Variants in CORO2A observed in about 807,000 individuals in gnomAD.
The protein encoded by CORO2A is coronin-2A.
In CORO2A, 47 loss-of-function variants were observed where a neutral mutation model predicts 62.4. The ratio of observed to expected loss-of-function variants is 0.75; its 90% CI spans 0.60 to 0.96. The LOEUF is 0.96. Ranked by LOEUF, CORO2A falls within the 40% of genes least tolerant of loss-of-function variation. CORO2A has a pLI of 0.00. For missense variants in CORO2A, 610 were observed against 684.1 expected (o/e 0.89, Z 1.21); for synonymous variants, 273 against 268.9 (o/e 1.02, Z -0.15).
Position 98,124,651 on chromosome 9 carries a change from T to A in CORO2A, c.*123A>T. 1 of 1,042,346 alleles carries A rather than the reference T, an allele frequency of 9.6e-7. No homozygotes were observed. The highest frequency in any genetic ancestry group is 1.3e-6 in the Non-Finnish European group (1 of 777,964). The allele number at this position is 1,042,346 out of a possible 1,614,324, so 64.6% of individuals were successfully genotyped here. ...TGGAATCTCTTTCAGCGATGGAGAG[T>A]TTTGTTTTCTGGTAAAAAATATAGA... On this transcript the variant is annotated 3_prime_UTR_variant, in exon 12 of 12. Coordinates refer to ENST00000375077, the MANE Select transcript of CORO2A (RefSeq NM_052820.4).
At chr9:98,142,347 C>T (rs1288295205) in intron 2 of CORO2A, among the ~76,000 whole-genome samples, 1 of 152,240 alleles carries the variant, frequency 6.6e-6, no homozygotes, top group African/African-American at 2.4e-5. Context: ...TCTGGTTCCC[C>T]AAGTGTGAGC....
chr9:98,184,941 CT>C (rs1341749695), intron 1 of CORO2A, among the ~76,000 whole-genome samples: 1 of 152,200 alleles, frequency 6.6e-6, no homozygotes, highest in Non-Finnish European at 1.5e-5. Context: ...CATAAAGCGC[CT>C]CCTTACTTTT....
intron 1 of CORO2A, among the ~76,000 whole-genome samples, chr9:98,178,595 C>T (rs1828139237): frequency 6.6e-6 from 1 of 152,162 alleles, no homozygotes; most frequent in African/African-American, 2.4e-5. Context: ...GTCCTCATTA[C>T]CCTTTCTCAG....
chr9:98,173,545 G>A (rs564255745), intron 1 of CORO2A, among the ~76,000 whole-genome samples: 1 of 141,658 alleles, frequency 7.1e-6, no homozygotes, highest in African/African-American at 2.5e-5. Context: ...GCTTTCTTAA[G>A]TCTCTTCTCA....
At chr9:98,143,530 G>A (rs970711459) in intron 2 of CORO2A, among the ~76,000 whole-genome samples, 1 of 152,166 alleles carries the variant, frequency 6.6e-6, no homozygotes, top group Non-Finnish European at 1.5e-5. Flanking sequence ...TTACCATGGT[G>A]CAGCCTTGGG....
rs2118779054 is a variant in CORO2A at position 98,123,829 on chromosome 9, A to G, written c.*945T>C. 6.6e-6 allele frequency: 1 copy of G among 151,404 alleles called. No individual in the cohort carries two copies. Among genetic ancestry groups the G allele is most frequent in the Non-Finnish European group, 1.5e-5 (1 of 67,816 alleles). 9.4% of individuals were successfully genotyped at this position (151,404 alleles called of 1,614,324 possible). A position where few individuals can be genotyped will look rare whatever the true frequency, so the allele number is the denominator to read the frequency against. On this transcript the variant is annotated 3_prime_UTR_variant, in exon 12 of 12. Coordinates refer to ENST00000375077, the MANE Select transcript of CORO2A (RefSeq NM_052820.4). ...CACCACCATGCCTGGTTAATTTTTT[A>G]TTTTTAGTGGAGACGGGGTTTCACC...
At chr9:98,155,830 T>C (rs1051988702) in intron 2 of CORO2A, among the ~76,000 whole-genome samples, 5 of 152,206 alleles carry the variant, frequency 3.3e-5, no homozygotes, top group Admixed American at 6.5e-5. Context: ...AAAGCTCTGC[T>C]GTGATATTGT....
chr9:98,185,269 C>T lies in CORO2A; in HGVS notation c.-1+7290G>A, dbSNP rs761990264. Among the ~76,000 whole-genome samples the T allele has an allele frequency of 6.6e-5, 10 of 152,182 alleles. 1 individual carries two copies. The highest frequency in any genetic ancestry group is 5.2e-4 in the Admixed American group (8 of 15,282). ...GCCCCTGCCAGGCCATGGGCCCTCACGGCTGTGATGGGTCTAGCTTGTCTG... is the reference window on the plus strand; with the variant it reads ...GCCCCTGCCAGGCCATGGGCCCTCATGGCTGTGATGGGTCTAGCTTGTCTG... On this transcript the variant is annotated intron_variant, in intron 1 of 11. Coordinates refer to ENST00000375077, the MANE Select transcript of CORO2A (RefSeq NM_052820.4).
intron 1 of CORO2A, among the ~76,000 whole-genome samples, chr9:98,180,409 G>C (rs1211498490): frequency 2.0e-5 from 3 of 151,934 alleles, no homozygotes; most frequent in Non-Finnish European, 2.9e-5. Context: ...GCAGGCCATG[G>C]CTCCCCTCAC....
intron 1 of CORO2A, among the ~76,000 whole-genome samples, chr9:98,163,786 G>A (rs1429203460): frequency 6.6e-6 from 1 of 151,628 alleles, no homozygotes; most frequent in Non-Finnish European, 1.5e-5. Context: ...AAGAGACAGA[G>A]AGAGTTTCCT....
In CORO2A at chr9:98,146,491, C is replaced by G. The variant is rs548602952; in HGVS notation, c.202-8803G>C. On this transcript the variant is annotated intron_variant, in intron 2 of 11. Transcript: ENST00000375077. ...AGCCCGGCCCCTCTGAGAAGGACTT[C>G]CTGCACGCTGTGGCAAGGCCAGACA... Among the ~76,000 whole-genome samples, 6 of 152,348 alleles carry G rather than the reference C, an allele frequency of 3.9e-5. No individual in the cohort carries two copies. In the South Asian group the frequency reaches 1.0e-3, roughly 26 times the overall value.
At chr9:98,135,022 C>A in intron 3 of CORO2A, 67 bp from the exon 4 acceptor site, 1 of 1,579,234 alleles carries the variant, frequency 6.3e-7, no homozygotes, top group Non-Finnish European at 8.6e-7. Context: ...CCAGCCTAAG[C>A]CACAGATCTG....
At chr9:98,157,967 A>G (rs1008293760) in intron 1 of CORO2A, among the ~76,000 whole-genome samples, 4 of 152,182 alleles carry the variant, frequency 2.6e-5, no homozygotes, top group Admixed American at 6.5e-5. Flanking sequence ...AATCCACCAC[A>G]TTGACCCCCA....
At chr9:98,146,196 C>T (rs1195211867) in intron 2 of CORO2A, among the ~76,000 whole-genome samples, 2 of 152,204 alleles carry the variant, frequency 1.3e-5, no homozygotes, top group African/African-American at 4.8e-5. Context: ...ACCCTCCACA[C>T]CTCACAGCAA....
intron 1 of CORO2A, among the ~76,000 whole-genome samples, chr9:98,167,981 T>C (rs1827983988): frequency 6.6e-6 from 1 of 152,206 alleles, no homozygotes; most frequent in Non-Finnish European, 1.5e-5. Context: ...TTGTAAAAGA[T>C]TTAAGCAAGA....
chr9:98,132,369 C>T, intron 5 of CORO2A, 68 bp from the exon 6 acceptor site: 1 of 1,347,730 alleles, frequency 7.4e-7, no homozygotes. Flanking sequence ...GGTTTCTGGC[C>T]TCCCTGCTTT....
At chr9:98,190,096 G>A (rs920885056) in intron 1 of CORO2A, among the ~76,000 whole-genome samples, 5 of 152,114 alleles carry the variant, frequency 3.3e-5, no homozygotes, top group Admixed American at 1.3e-4. Flanking sequence ...TGTTGCCCAG[G>A]CTGGTCTCAA....
intron 1 of CORO2A, among the ~76,000 whole-genome samples, chr9:98,162,332 C>T (rs1416619665): frequency 1.3e-5 from 2 of 152,168 alleles, no homozygotes; most frequent in Non-Finnish European, 2.9e-5. Context: ...TTCCACTCTA[C>T]AGAGAAGGAA....
intron 3 of CORO2A, among the ~76,000 whole-genome samples, chr9:98,136,646 G>A (rs1389759495): frequency 6.6e-6 from 1 of 152,198 alleles, no homozygotes; most frequent in Non-Finnish European, 1.5e-5. Flanking sequence ...CTGAAGTCTT[G>A]CTCTGCCTCC....
Sources: allele counts gnomAD v4.1 joint callset (sites outside exome capture counted in the v4.1 genomes callset), GRCh38; gene constraint gnomAD v4.1.1; transcripts MANE v1.5; gene names NCBI Gene and HGNC (gene_info 2026-07-23, HGNC 2026-07-21).